The following CSMD1 variants were observed in gnomAD, a reference collection of about 807,000 sequenced individuals.
The protein encoded by CSMD1 is CUB and sushi domain-containing protein 1.
A neutral mutation model predicts 417.5 loss-of-function variants in CSMD1; 213 were observed. The observed-to-expected ratio is 0.51, with a 90% CI of 0.46 to 0.57. The LOEUF is 0.57. Ranked by LOEUF, CSMD1 falls within the 20% of genes least tolerant of loss-of-function variation. The probability of loss-of-function intolerance (pLI) is 0.00; values close to 1 mark genes in which losing one functional copy is unlikely to be tolerated. For synonymous variants in CSMD1, 2,862 were observed against 1,736.8 expected (o/e 1.65, Z -16.11); for missense variants, 6,923 against 4,529.7 (o/e 1.53, Z -15.17).
intron 12 of CSMD1, among the ~76,000 whole-genome samples, chr8:3,437,110 T>C (rs1210689389): frequency 6.6e-6 from 1 of 152,220 alleles, no homozygotes; most frequent in Non-Finnish European, 1.5e-5. Context: ...CAAACTCATT[T>C]TCTTTGCTTG....
intron 3 of CSMD1, among the ~76,000 whole-genome samples, chr8:4,237,694 G>C (rs910806740): frequency 1.6e-4 from 24 of 152,150 alleles, no homozygotes; most frequent in African/African-American, 5.5e-4. Flanking sequence ...TTTACTTTTT[G>C]TAGAGACATG....
At position 4,137,511 on chromosome 8, in the gene CSMD1, ATAT is replaced by A. The variant is rs561198582; in HGVS notation, c.416-105415_416-105413del. Among the ~76,000 whole-genome samples, 148 of 132,258 alleles carry A rather than the reference ATAT, an allele frequency of 1.1e-3. 12 individuals are homozygous for A. Among genetic ancestry groups the A allele is most frequent in the African/African-American group, 3.6e-3 (145 of 40,574 alleles). The allele number at this position is 132,258 out of a possible 152,430, so 86.8% of individuals were successfully genotyped here. ...TATAACATTGTTTTTCCTTTTAAAA[ATAT>A]TATGGTAGTGTTTAATATTCCATTT... On this transcript the variant is annotated intron_variant, in intron 3 of 69. Coordinates refer to ENST00000635120, the MANE Select transcript of CSMD1 (RefSeq NM_033225.6).
intron 3 of CSMD1, among the ~76,000 whole-genome samples, chr8:4,131,922 C>G (rs1585384297): frequency 2.0e-5 from 3 of 152,024 alleles, no homozygotes; most frequent in South Asian, 2.1e-4. Flanking sequence ...GCAACCACAC[C>G]TGGCTACTTT....
chr8:3,309,367 T>A (rs967286507), intron 23 of CSMD1, among the ~76,000 whole-genome samples: 7 of 148,724 alleles, frequency 4.7e-5, no homozygotes, highest in African/African-American at 1.7e-4. Flanking sequence ...ACCACACTCC[T>A]GATGGTGCAT....
chr8:4,706,875 G>T (rs142293973), intron 1 of CSMD1, among the ~76,000 whole-genome samples: 1 of 152,222 alleles, frequency 6.6e-6, no homozygotes, highest in Non-Finnish European at 1.5e-5. Context: ...AGCAAGGGCA[G>T]TTCAGTGAAA....
intron 36 of CSMD1, among the ~76,000 whole-genome samples, chr8:3,181,447 T>C (rs259860): frequency 0.02 from 3,055 of 152,298 alleles, 95 homozygotes; most frequent in African/African-American, 0.069. Context: ...GACACCTTTC[T>C]CTTGTACAAA....
chr8:4,799,376 T>A (rs570641896), intron 1 of CSMD1, among the ~76,000 whole-genome samples: 1 of 151,758 alleles, frequency 6.6e-6, no homozygotes, highest in Non-Finnish European at 1.5e-5. Flanking sequence ...CTAGATCATA[T>A]AAGTGTTTTA....
At position 3,931,735 on chromosome 8, in the gene CSMD1, C is replaced by G. The variant is rs1361413264; in HGVS notation, c.818+66168G>C. 2.0e-5 allele frequency among the ~76,000 whole-genome samples: 3 copies of G among 148,680 alleles called. 1 individual carries two copies. Among genetic ancestry groups the G allele is most frequent in the Non-Finnish European group, 4.5e-5 (3 of 67,114 alleles). On this transcript the variant is annotated intron_variant, in intron 5 of 69. Coordinates refer to ENST00000635120, the MANE Select transcript of CSMD1 (RefSeq NM_033225.6). ...GGACAGCATTACAAGGCTTTAATCTCAATCCACACCAGAGGAAACAAGGTG... is the reference window on the plus strand; with the variant it reads ...GGACAGCATTACAAGGCTTTAATCTGAATCCACACCAGAGGAAACAAGGTG...
chr8:4,588,779 G>GACACACACACACACACACAC (rs10576784), intron 2 of CSMD1, among the ~76,000 whole-genome samples: 373 of 146,454 alleles, frequency 2.5e-3, no homozygotes, highest in Middle Eastern at 7.0e-3. Flanking sequence ...GCAAGACTCC[G>GACACACACACACACACACAC]ACACACACAC....
intron 1 of CSMD1, among the ~76,000 whole-genome samples, chr8:4,817,960 T>G (rs1799300961): frequency 6.6e-6 from 1 of 152,180 alleles, no homozygotes; most frequent in African/African-American, 2.4e-5. Flanking sequence ...TAGCATTAGG[T>G]ACAGTTAAAA....
chr8:3,895,455 C>A (rs1010390449), intron 5 of CSMD1, among the ~76,000 whole-genome samples: 5 of 152,016 alleles, frequency 3.3e-5, no homozygotes, highest in African/African-American at 9.7e-5. Context: ...ATGTTTAAAT[C>A]TTAGCAGACA....
At chr8:4,240,294 C>G (rs1802315139) in intron 3 of CSMD1, among the ~76,000 whole-genome samples, 1 of 152,178 alleles carries the variant, frequency 6.6e-6, no homozygotes, top group Non-Finnish European at 1.5e-5. Flanking sequence ...TGCTTTGACC[C>G]TTATCACCTT....
At chr8:3,917,144 A>T (rs1209357633) in intron 5 of CSMD1, among the ~76,000 whole-genome samples, 1 of 152,196 alleles carries the variant, frequency 6.6e-6, no homozygotes, top group African/African-American at 2.4e-5. Context: ...ATGAGTGCTT[A>T]CCTGCTGCAC....
intron 5 of CSMD1, among the ~76,000 whole-genome samples, chr8:3,974,362 A>G (rs1405475487): frequency 1.3e-5 from 2 of 152,058 alleles, no homozygotes; most frequent in South Asian, 4.1e-4. Flanking sequence ...ATGGAATCAA[A>G]TATACAGCTT....
chr8:3,162,198 G>T lies in CSMD1; in HGVS notation c.5805C>A (p.Asp1935Glu), dbSNP rs559577751. 1 of 1,610,542 alleles carries T rather than the reference G, an allele frequency of 6.2e-7. No homozygotes were observed. The highest frequency in any genetic ancestry group is 1.1e-5 in the South Asian group (1 of 89,814). Residue 1935 changes from aspartate (D) to glutamate (E), a missense_variant, in exon 38 of 70, where the codon GAC becomes GAA. Transcript: ENST00000635120. ...CGGGCTCGCACTGGAAGGAGAGCACGTCGTTCACCATGTACCGATCTCCGA... is the reference window on the plus strand; with the variant it reads ...CGGGCTCGCACTGGAAGGAGAGCACTTCGTTCACCATGTACCGATCTCCGA... ...IKIGDRYMVN[D>E]VLSFQCEPGY...
intron 1 of CSMD1, among the ~76,000 whole-genome samples, chr8:4,843,629 T>G (rs1800963792): frequency 6.6e-6 from 1 of 152,210 alleles, no homozygotes; most frequent in African/African-American, 2.4e-5. Flanking sequence ...TCTATGGACC[T>G]AGGGAACTCT....
At chr8:4,408,917 G>C (rs17070162) in intron 3 of CSMD1, among the ~76,000 whole-genome samples, 5 of 152,158 alleles carry the variant, frequency 3.3e-5, no homozygotes, top group African/African-American at 1.2e-4. Flanking sequence ...TAGGTAGCAA[G>C]AACATCAGAA....
At chr8:4,970,581 A>ATT (rs369448922) in intron 1 of CSMD1, among the ~76,000 whole-genome samples, 5 of 151,488 alleles carry the variant, frequency 3.3e-5, no homozygotes, top group African/African-American at 1.2e-4. Context: ...AATGATCTTG[A>ATT]TTTTTTTTTA....
At chr8:4,202,966 C>T (rs751114832) in intron 3 of CSMD1, among the ~76,000 whole-genome samples, 9 of 152,050 alleles carry the variant, frequency 5.9e-5, no homozygotes, top group Non-Finnish European at 1.2e-4. Flanking sequence ...GGGAGGAGAA[C>T]GATTACCTCC....
Sources: allele counts gnomAD v4.1 joint callset (sites outside exome capture counted in the v4.1 genomes callset), GRCh38; gene constraint gnomAD v4.1.1; transcripts MANE v1.5; gene names NCBI Gene and HGNC (gene_info 2026-07-23, HGNC 2026-07-21).